Variants in MYO19 observed in about 807,000 individuals in gnomAD.
MYO19 encodes myosin XIX.
In MYO19, 132 loss-of-function variants were observed where a neutral mutation model predicts 129.2. That is an observed-to-expected ratio of 1.02 (90% CI 0.89 to 1.18). The LOEUF is 1.18. Among genes scored for constraint, MYO19 ranks in the 50% most tolerant of loss-of-function variants. MYO19 has a pLI of 0.00. For synonymous variants in MYO19, 531 were observed against 477.2 expected (o/e 1.11, Z -1.47); for missense variants, 1,210 against 1,216.7 (o/e 0.99, Z 0.08).
At position 36,517,258 on chromosome 17, in the gene MYO19, T is replaced by G. The variant is rs1567767464; in HGVS notation, c.415-1268A>C. On this transcript the variant is annotated intron_variant, in intron 6 of 25. Coordinates refer to ENST00000614623, the MANE Select transcript of MYO19 (RefSeq NM_001163735.2). ...AAGTCTGACTGGAGAGTTATCATTT[T>G]TTTGTTTGTTTGTCTTCTTTAGAGG... Among the ~76,000 whole-genome samples, 3 of 152,212 alleles carry G rather than the reference T, an allele frequency of 2.0e-5. No individual in the cohort carries two copies. The South Asian group carries it at 6.2e-4, about 32-fold the overall frequency.
chr17:36,515,234 A>C, intron 7 of MYO19, 52 bp from the exon 8 acceptor site: 1 of 1,547,232 alleles, frequency 6.5e-7, no homozygotes, highest in Admixed American at 1.8e-5. Context: ...CAGAGTCCTC[A>C]TAAGCCAAGG....
upstream of MYO19, chr17:36,536,944 TGGAAGG>T (rs997191085): frequency 1.9e-5 from 12 of 629,204 alleles, no homozygotes; most frequent in Non-Finnish European, 3.3e-5. Flanking sequence ...CCACAATCCT[TGGAAGG>T]GGAATCACAA....
chr17:36,542,592 G>T (rs1045749634), intron 1 of MYO19, among the ~76,000 whole-genome samples: 1 of 151,672 alleles, frequency 6.6e-6, no homozygotes, highest in African/African-American at 2.4e-5. Flanking sequence ...CCAGCTACTC[G>T]GGAGGCTGAG....
chr17:36,496,560 A>T (rs755320578), intron 25 of MYO19, among the ~76,000 whole-genome samples, 154 bp from the exon 26 acceptor site: 1 of 152,178 alleles, frequency 6.6e-6, no homozygotes, highest in Admixed American at 6.5e-5. Flanking sequence ...ACATCCACTC[A>T]GTGTGAGACA....
rs778949273 is a variant in MYO19, at chr17:36,527,550, C to G, written c.300+1G>C. The G allele has an allele frequency of 6.2e-7, 1 of 1,613,024 alleles. No homozygotes were observed. Among genetic ancestry groups the G allele is most frequent in the South Asian group, 1.1e-5 (1 of 90,940 alleles). Reference sequence around the variant, plus strand: ...GGCCACAGGCAGCGGCAGAGCCTTACCTGGGGCTGAGGCGCAGCATGGTAC... The same window carrying G: ...GGCCACAGGCAGCGGCAGAGCCTTAGCTGGGGCTGAGGCGCAGCATGGTAC... On this transcript the variant is annotated splice_donor_variant, in intron 5 of 25. Transcript: ENST00000614623. LOFTEE classifies it high-confidence loss of function.
intron 13 of MYO19, 29 bp from the exon 14 acceptor site, chr17:36,509,164 A>T (rs755399314): frequency 5.0e-6 from 8 of 1,608,922 alleles, no homozygotes; most frequent in Non-Finnish European, 1.7e-6. Flanking sequence ...GGACTCTGGT[A>T]AGAGGGTCTG....
intron 6 of MYO19, among the ~76,000 whole-genome samples, chr17:36,517,226 T>C (rs2072815121): frequency 6.6e-6 from 1 of 152,218 alleles, no homozygotes; most frequent in South Asian, 2.1e-4. Context: ...CTTTTTTCTC[T>C]TTTTATAAGT....
upstream of MYO19, chr17:36,537,615 G>A: frequency 6.2e-7 from 1 of 1,614,148 alleles, no homozygotes; most frequent in Non-Finnish European, 8.5e-7. Context: ...TTTTGGAGTA[G>A]GTGGCTTTGT....
At position 36,496,311 on chromosome 17, in the gene MYO19, A is replaced by T. The variant is rs780393599; in HGVS notation, c.2853T>A (p.Ile951=). The part of the protein sequence containing the change: ...SPYSITGFNQ[I]LLERHRLIHV... ...GGATCAGCCTGTGTCTTTCCAGCAG[A>T]ATCTGATTAAAGCCTGTAATGCTGT... Residue 951 remains isoleucine, a synonymous_variant, in exon 26 of 26, where the codon ATT becomes ATA. Coordinates refer to ENST00000614623, the MANE Select transcript of MYO19 (RefSeq NM_001163735.2). The T allele has an allele frequency of 6.2e-7, 1 of 1,614,020 alleles. No homozygotes were observed. The highest frequency in any genetic ancestry group is 8.5e-7 in the Non-Finnish European group (1 of 1,179,898).
chr17:36,511,164 T>C, intron 12 of MYO19: 1 of 672,528 alleles, frequency 1.5e-6, no homozygotes, highest in Admixed American at 2.8e-5. Flanking sequence ...CTGACTCATT[T>C]TCTCATCTTT....
In MYO19 at chr17:36,525,301, T is replaced by C; in HGVS notation, c.341A>G (p.Tyr114Cys). The C allele has an allele frequency of 1.2e-6, 2 of 1,613,960 alleles. No individual in the cohort carries two copies. Among genetic ancestry groups the C allele is most frequent in the Non-Finnish European group, 1.7e-6 (2 of 1,179,838 alleles). The change falls in exon 6 of 26, where the codon TAC becomes TGC. Residue 114 changes from tyrosine (Y) to cysteine (C), a missense_variant. Coordinates refer to ENST00000614623, the MANE Select transcript of MYO19 (RefSeq NM_001163735.2). ...TTCAATCAGGCTCTTGACATTCCTG[T>C]AGGTCTGTTCACCCACAGTGAACAC... ...PHVFTVGEQT[Y>C]RNVKSLIEPV...
chr17:36,523,792 C>G (rs1444602030), intron 6 of MYO19, among the ~76,000 whole-genome samples: 1 of 151,912 alleles, frequency 6.6e-6, no homozygotes, highest in Non-Finnish European at 1.5e-5. Context: ...GGTCCAAAAC[C>G]AAAAAGTCAG....
At chr17:36,523,024 C>CA (rs549906768) in intron 6 of MYO19, among the ~76,000 whole-genome samples, 2,507 of 111,068 alleles carry the variant, frequency 0.023, 74 homozygotes, top group African/African-American at 0.065. Flanking sequence ...AAACAAAAAA[C>CA]AAAAAAAAAA....
At chr17:36,502,253 T>C (rs544416927) in intron 21 of MYO19, among the ~76,000 whole-genome samples, 1 of 152,088 alleles carries the variant, frequency 6.6e-6, no homozygotes, top group African/African-American at 2.4e-5. Context: ...ACAACCCCCA[T>C]ATGAGGGCCT....
chr17:36,505,043 C>G, intron 19 of MYO19: 1 of 700,354 alleles, frequency 1.4e-6, no homozygotes, highest in Non-Finnish European at 2.7e-6. Flanking sequence ...TTCAGTCTCT[C>G]ATCAGGGTAC....
chr17:36,512,598 C>T (rs2072438003), intron 11 of MYO19: 1 of 1,277,666 alleles, frequency 7.8e-7, no homozygotes, highest in Non-Finnish European at 1.0e-6. Context: ...CCCCGACTCC[C>T]AGTGTTGTCC....
chr17:36,521,158 T>C (rs1367690295), intron 6 of MYO19, among the ~76,000 whole-genome samples: 1 of 152,176 alleles, frequency 6.6e-6, no homozygotes, highest in East Asian at 1.9e-4. Context: ...CGGGAAAAGT[T>C]ATGGCCATTC....
chr17:36,510,412 T>C (rs891647143), intron 13 of MYO19, among the ~76,000 whole-genome samples: 3 of 152,246 alleles, frequency 2.0e-5, no homozygotes, highest in Admixed American at 2.0e-4. Flanking sequence ...AGGCTCTAGA[T>C]CACCTTTGGG....
chr17:36,510,772 G>A lies in MYO19; in HGVS notation c.1131C>T (p.Asp377=), dbSNP rs1599294211. Residue 377 remains aspartate, a synonymous_variant, in exon 13 of 26, where the codon GAC becomes GAT. Transcript: ENST00000614623. ...CARAECDTRR[D]CLAKLIYARL... Reference sequence around the variant, plus strand: ...GCGCATAGATCAGTTTGGCCAGGCAGTCTCTACGGGTGTCACACTCGGCTC... The same window carrying A: ...GCGCATAGATCAGTTTGGCCAGGCAATCTCTACGGGTGTCACACTCGGCTC... 4 of 1,608,104 alleles carry A rather than the reference G, an allele frequency of 2.5e-6. No homozygotes were observed. In the East Asian group the frequency reaches 9.0e-5, roughly 36 times the overall value.
Sources: allele counts gnomAD v4.1 joint callset (sites outside exome capture counted in the v4.1 genomes callset), GRCh38; gene constraint gnomAD v4.1.1; transcripts MANE v1.5; gene names NCBI Gene and HGNC (gene_info 2026-07-23, HGNC 2026-07-21).